The following AUTS2 variants were observed in gnomAD, a reference collection of about 807,000 sequenced individuals.
AUTS2 encodes the protein autism susceptibility gene 2 protein.
AUTS2 carries 17 observed loss-of-function variants against 112.4 expected under a neutral mutation model. The observed-to-expected ratio is 0.15, with a 90% CI of 0.10 to 0.23. The LOEUF is 0.23. Ranked by LOEUF, AUTS2 falls within the 10% of genes least tolerant of loss-of-function variation. AUTS2 has a pLI of 1.00. For missense variants in AUTS2, 1,510 were observed against 1,701.6 expected, an observed-to-expected ratio of 0.89 and a Z score of 1.98; for synonymous variants, 751 against 702.7, an observed-to-expected ratio of 1.07 and a Z score of -1.09.
intron 1 of AUTS2, among the ~76,000 whole-genome samples, chr7:69,685,127 T>C (rs1584067833): frequency 6.6e-6 from 1 of 152,360 alleles, no homozygotes; most frequent in East Asian, 1.9e-4. Context: ...GAGTCCAGCC[T>C]CTTTTCAGGC....
chr7:70,245,786 A>G (rs917070858), intron 4 of AUTS2, among the ~76,000 whole-genome samples: 1 of 152,184 alleles, frequency 6.6e-6, no homozygotes, highest in South Asian at 2.1e-4. Context: ...GGGTATGCAC[A>G]TAAGGAACAT....
chr7:69,989,156 C>G (rs955711929), intron 2 of AUTS2, among the ~76,000 whole-genome samples: 2 of 152,172 alleles, frequency 1.3e-5, no homozygotes, highest in African/African-American at 4.8e-5. Flanking sequence ...TCCAGATAGT[C>G]AAGACTTGAA....
At chr7:69,654,538 A>G (rs1201969018) in intron 1 of AUTS2, among the ~76,000 whole-genome samples, 1 of 152,234 alleles carries the variant, frequency 6.6e-6, no homozygotes, top group Non-Finnish European at 1.5e-5. Flanking sequence ...TTCAATTTGC[A>G]GATGAGGAAG....
At chr7:70,765,887 C>T (rs891621807) in intron 8 of AUTS2, among the ~76,000 whole-genome samples, 1 of 152,136 alleles carries the variant, frequency 6.6e-6, no homozygotes, top group Non-Finnish European at 1.5e-5. Context: ...GATTGATAGA[C>T]TGCCTGTCCC....
chr7:69,698,791 A>G (rs1797672588), intron 1 of AUTS2, among the ~76,000 whole-genome samples: 1 of 152,198 alleles, frequency 6.6e-6, no homozygotes, highest in African/African-American at 2.4e-5. Flanking sequence ...CTCACAAATA[A>G]GTTTTGAACT....
intron 2 of AUTS2, among the ~76,000 whole-genome samples, chr7:70,001,494 AG>A (rs1799190715): frequency 6.6e-6 from 1 of 151,956 alleles, no homozygotes; most frequent in South Asian, 2.1e-4. Flanking sequence ...TGGTTGGTAT[AG>A]TGCTGAGTGA....
intron 2 of AUTS2, among the ~76,000 whole-genome samples, chr7:70,115,421 C>T (rs182326046): frequency 1.1e-3 from 170 of 152,266 alleles, no homozygotes; most frequent in Admixed American, 4.4e-3. Context: ...GTGATCCCCC[C>T]GCTTCAGCCT....
intron 1 of AUTS2, among the ~76,000 whole-genome samples, chr7:69,814,481 A>G (rs1404957498): frequency 6.6e-6 from 1 of 152,208 alleles, no homozygotes; most frequent in African/African-American, 2.4e-5. Flanking sequence ...ACGTGGACCC[A>G]TTGTGTGTAT....
At chr7:70,349,609 A>G (rs1265182940) in intron 4 of AUTS2, among the ~76,000 whole-genome samples, 1 of 152,016 alleles carries the variant, frequency 6.6e-6, no homozygotes. Flanking sequence ...GAGCTTTGTT[A>G]CACTGTAACA....
intron 5 of AUTS2, among the ~76,000 whole-genome samples, chr7:70,562,432 A>G (rs1801529078): frequency 6.6e-6 from 1 of 152,212 alleles, no homozygotes; most frequent in East Asian, 1.9e-4. Context: ...CCTACTGAAA[A>G]AACTCACTCC....
intron 1 of AUTS2, among the ~76,000 whole-genome samples, chr7:69,711,473 G>A (rs1798322425): frequency 6.6e-6 from 1 of 152,070 alleles, no homozygotes; most frequent in African/African-American, 2.4e-5. Context: ...CAAAATATTA[G>A]AATTATTAGA....
At chr7:70,724,974 T>G (rs1228764242) in intron 6 of AUTS2, among the ~76,000 whole-genome samples, 1 of 152,200 alleles carries the variant, frequency 6.6e-6, no homozygotes, top group Non-Finnish European at 1.5e-5. Context: ...GATATCTGGA[T>G]TTCAGAAACG....
chr7:70,238,660 T>C (rs1339151647), intron 4 of AUTS2, among the ~76,000 whole-genome samples: 3 of 149,326 alleles, frequency 2.0e-5, no homozygotes, highest in African/African-American at 7.6e-5. Flanking sequence ...AGTTTATTAT[T>C]AGTGTTTTTT....
chr7:70,330,525 TA>T lies in AUTS2; in HGVS notation c.661-105226del, dbSNP rs147782041. Among the ~76,000 whole-genome samples, 1,114 of 152,328 alleles carry T rather than the reference TA, an allele frequency of 7.3e-3. 15 individuals are homozygous for T. The highest frequency in any genetic ancestry group is 0.025 in the African/African-American group (1,057 of 41,592). On this transcript the variant is annotated intron_variant, in intron 4 of 18. Transcript: ENST00000342771. ...CAGTAGTACACTGGTTTGATTACTA[TA>T]GGTTTGTAATTAAGTTTTGAAATCA... is the stretch of plus-strand genomic sequence containing the variant.
intron 12 of AUTS2, 61 bp downstream of exon 12, chr7:70,774,160 G>A (rs373222098): frequency 1.9e-4 from 289 of 1,483,682 alleles, no homozygotes; most frequent in African/African-American, 1.8e-3. Flanking sequence ...TGCACGGGAC[G>A]GCCAGCCCAG....
intron 5 of AUTS2, among the ~76,000 whole-genome samples, chr7:70,661,838 T>C (rs561022546): frequency 6.6e-6 from 1 of 152,236 alleles, no homozygotes; most frequent in East Asian, 1.9e-4. Flanking sequence ...AACCTTTTAC[T>C]TGAGGTACGG....
chr7:70,241,725 A>G (rs1000269001), intron 4 of AUTS2, among the ~76,000 whole-genome samples: 1 of 152,206 alleles, frequency 6.6e-6, no homozygotes, highest in Non-Finnish European at 1.5e-5. Context: ...GGAATACTTA[A>G]TGCACATAAG....
At chr7:70,558,215 C>T (rs568032969) in intron 5 of AUTS2, among the ~76,000 whole-genome samples, 1 of 152,276 alleles carries the variant, frequency 6.6e-6, no homozygotes, top group South Asian at 2.1e-4. Context: ...ACTTGGCTCT[C>T]TGGTCCAGGT....
intron 5 of AUTS2, among the ~76,000 whole-genome samples, chr7:70,689,516 C>A (rs1188550770): frequency 6.6e-6 from 1 of 152,092 alleles, no homozygotes; most frequent in East Asian, 1.9e-4. Context: ...GTGGCTCATG[C>A]CTGTAATCCC....
Sources: allele counts gnomAD v4.1 joint callset (sites outside exome capture counted in the v4.1 genomes callset), GRCh38; gene constraint gnomAD v4.1.1; transcripts MANE v1.5; gene names NCBI Gene and HGNC (gene_info 2026-07-23, HGNC 2026-07-21).